AP5S1: variants seen among roughly 807,000 people sequenced by gnomAD.
The protein encoded by AP5S1 is adaptor related protein complex 5 subunit sigma 1.
In AP5S1, 13 loss-of-function variants were observed where a neutral mutation model predicts 13.9. The observed-to-expected ratio is 0.94, with a 90% CI of 0.61 to 1.49. AP5S1 has a LOEUF of 1.49. Among genes scored for constraint, AP5S1 ranks in the 40% most tolerant of loss-of-function variants. AP5S1 has a pLI of 0.00. For missense variants in AP5S1, 292 were observed against 272.3 expected, an observed-to-expected ratio of 1.07 and a Z score of -0.51; for synonymous variants, 132 against 121.8, an observed-to-expected ratio of 1.08 and a Z score of -0.55.
rs1403917019 is a variant in AP5S1, at chr20:3,824,214, C to T, written c.520C>T (p.Leu174=). 1.9e-6 allele frequency: 3 copies of T among 1,614,240 alleles called. No individual in the cohort carries two copies. Among genetic ancestry groups the T allele is most frequent in the Non-Finnish European group, 2.5e-6 (3 of 1,180,042 alleles). The stretch of plus-strand genomic sequence containing the variant: ...CATTGAGGGCATCCTCACCCGCTTC[C>T]TGCCACATGGTCAGCTGCTTTTCCT... The part of the protein sequence containing the change: ...DRIEGILTRF[L]PHGQLLFLND... The change falls in exon 3 of 3, where the codon CTG becomes TTG. Residue 174 remains leucine (L), a synonymous_variant. Transcript: ENST00000615891.
At chr20:3,822,034 C>G (rs899980326) in intron 1 of AP5S1, 68 bp from the exon 2 acceptor site, 134 of 1,534,532 alleles carry the variant, frequency 8.7e-5, no homozygotes, top group Non-Finnish European at 1.1e-4. Context: ...CAGGTCAGCC[C>G]CTTCCTGTGG....
At chr20:3,821,868 TTTC>T (rs1264217493) in intron 1 of AP5S1, 7 of 951,554 alleles carry the variant, frequency 7.4e-6, no homozygotes, top group Non-Finnish European at 8.7e-6. Context: ...TTTGTTTGTT[TTTC>T]TTTTTTCTTT....
At chr20:3,823,275 G>A (rs1043774273) in intron 2 of AP5S1, among the ~76,000 whole-genome samples, 25 of 152,216 alleles carry the variant, frequency 1.6e-4, no homozygotes, top group African/African-American at 6.0e-4. Context: ...TTGAGATGGA[G>A]TCTTGCTCTG....
rs2146732099 is a variant in AP5S1 at position 3,823,859 on chromosome 20, C to T, written c.177-12C>T. 4 of 1,590,922 alleles carry T rather than the reference C, an allele frequency of 2.5e-6. No homozygotes were observed. Among genetic ancestry groups the T allele is most frequent in the Non-Finnish European group, 3.4e-6 (4 of 1,172,282 alleles). On this transcript the variant is annotated splice_polypyrimidine_tract_variant and intron_variant, in intron 2 of 2. Coordinates refer to ENST00000615891, the MANE Select transcript of AP5S1 (RefSeq NM_018347.3). ...TGTGAGCCCACCAGCCTGACCTGCC[C>T]ACTCTCCCCAGGCAGGTAGAGTCAA...
chr20:3,825,225 T>C lies in AP5S1; in HGVS notation c.*928T>C, dbSNP rs944743653. On this transcript the variant is annotated 3_prime_UTR_variant, in exon 3 of 3. Transcript: ENST00000615891. ...CCTCATCTGCAGGGAGAGAAGTTGC[T>C]GTCAGATGAATGTGAGCAGTCTAGC... 2.6e-5 allele frequency: 4 copies of C among 152,250 alleles called. No homozygotes were observed. Among genetic ancestry groups the C allele is most frequent in the Non-Finnish European group, 5.9e-5 (4 of 68,046 alleles). The allele number at this position is 152,250 out of a possible 1,614,324, so 9.4% of individuals were successfully genotyped here. A position where few individuals can be genotyped will look rare whatever the true frequency, so the allele number is the denominator to read the frequency against.
intron 1 of AP5S1, chr20:3,821,848 T>A (rs1177374030): frequency 1.1e-6 from 1 of 926,400 alleles, no homozygotes; most frequent in Non-Finnish European, 1.3e-6. Context: ...TCTGAGATTT[T>A]TTTTGTTTGT....
rs755158849 is a variant in AP5S1, at chr20:3,821,696, G to C, written c.-16-406G>C. ...TTACCCTTTTCTTGGTCCAGGACCCGATCCAGGAGTACACGTCGCATTCAG... is the reference window on the plus strand; with the variant it reads ...TTACCCTTTTCTTGGTCCAGGACCCCATCCAGGAGTACACGTCGCATTCAG... On this transcript the variant is annotated intron_variant, in intron 1 of 2. Coordinates refer to ENST00000615891, the MANE Select transcript of AP5S1 (RefSeq NM_018347.3). Among the ~76,000 whole-genome samples the C allele has an allele frequency of 3.3e-5, 5 of 151,964 alleles. No individual in the cohort carries two copies. The East Asian group carries it at 9.7e-4, about 29-fold the overall frequency.
At position 3,827,189 on chromosome 20, in the gene AP5S1, G is replaced by A. The variant is rs975324759; in HGVS notation, c.*2892G>A. The A allele has an allele frequency of 6.6e-6, 1 of 152,272 alleles. No homozygotes were observed. The highest frequency in any genetic ancestry group is 2.4e-5 in the African/African-American group (1 of 41,454). The allele number at this position is 152,272 out of a possible 1,614,324, so 9.4% of individuals were successfully genotyped here. ...CCAGTGTACCTCCACAAACACTCCT[G>A]GGACAACAGATGATGACAGGAGGGC... On this transcript the variant is annotated 3_prime_UTR_variant, in exon 3 of 3. Transcript: ENST00000615891.
At chr20:3,820,833 T>C (rs1676855553) in intron 1 of AP5S1, 75 bp downstream of exon 1, 1 of 152,288 alleles carries the variant, frequency 6.6e-6, no homozygotes, top group African/African-American at 2.4e-5. Context: ...CGCGCTCTGC[T>C]GGCGGCTGGA....
Position 3,823,865 on chromosome 20 carries a change from C to A in AP5S1, c.177-6C>A. 6.3e-7 allele frequency: 1 copy of A among 1,595,778 alleles called. No individual in the cohort carries two copies. The highest frequency in any genetic ancestry group is 8.5e-7 in the Non-Finnish European group (1 of 1,175,610). On this transcript the variant is annotated splice_polypyrimidine_tract_variant and splice_region_variant and intron_variant, in intron 2 of 2. Coordinates refer to ENST00000615891, the MANE Select transcript of AP5S1 (RefSeq NM_018347.3). ...CCCACCAGCCTGACCTGCCCACTCT[C>A]CCCAGGCAGGTAGAGTCAATGTGTC...
In AP5S1 at chr20:3,824,809, G is replaced by A; in HGVS notation, c.*512G>A. On this transcript the variant is annotated 3_prime_UTR_variant, in exon 3 of 3. Transcript: ENST00000615891. The stretch of plus-strand genomic sequence containing the variant: ...TTAGCTGGGTGTATGGCGCCCACCT[G>A]TAATCCTAGCTGCTCAGGGGGCTGA... The A allele has an allele frequency of 6.5e-6, 1 of 154,634 alleles. No homozygotes were observed. The highest frequency in any genetic ancestry group is 2.4e-5 in the African/African-American group (1 of 41,432). 9.6% of individuals were successfully genotyped at this position (154,634 alleles called of 1,614,324 possible). A position where few individuals can be genotyped will look rare whatever the true frequency, so the allele number is the denominator to read the frequency against.
At chr20:3,821,783 T>C (rs2089583548) in intron 1 of AP5S1, 1 of 436,288 alleles carries the variant, frequency 2.3e-6, no homozygotes, top group African/African-American at 2.2e-5. Context: ...CATGACCGCA[T>C]GACCTTGACG....
At position 3,823,914 on chromosome 20, in the gene AP5S1, C is replaced by T. The variant is rs533773124; in HGVS notation, c.220C>T (p.Arg74Trp). 66 of 1,603,428 alleles carry T rather than the reference C, an allele frequency of 4.1e-5. No homozygotes were observed. The highest frequency in any genetic ancestry group is 3.3e-4 in the Middle Eastern group (2 of 6,022). The change falls in exon 3 of 3, where the codon CGG becomes TGG. Residue 74 changes from arginine to tryptophan, a missense_variant. By Grantham distance (101) the Arg-to-Trp change is moderately radical. Transcript: ENST00000615891. ...MCRLQQQASG[R>W]PPMDLQPQSS... Reference sequence around the variant, plus strand: ...TCGGCTGCAGCAGCAGGCATCTGGCCGGCCCCCCATGGACCTGCAGCCGCA... The same window carrying T: ...TCGGCTGCAGCAGCAGGCATCTGGCTGGCCCCCCATGGACCTGCAGCCGCA...
chr20:3,822,405 G>A, intron 2 of AP5S1, 112 bp downstream of exon 2: 1 of 1,024,398 alleles, frequency 9.8e-7, no homozygotes, highest in East Asian at 2.5e-5. Context: ...CAGAGAGGAA[G>A]TTTTAGAGTA....
At chr20:3,822,477 T>A (rs1363036540) in intron 2 of AP5S1, among the ~76,000 whole-genome samples, 184 bp downstream of exon 2, 2 of 152,198 alleles carry the variant, frequency 1.3e-5, no homozygotes, top group Non-Finnish European at 2.9e-5. Context: ...GTTAAATAAA[T>A]AATAATTCTG....
In AP5S1 at chr20:3,824,357, G is replaced by A; in HGVS notation, c.*60G>A. 3 of 1,509,628 alleles carry A rather than the reference G, an allele frequency of 2.0e-6. No homozygotes were observed. The highest frequency in any genetic ancestry group is 2.5e-5 in the South Asian group (2 of 81,128). 93.5% of individuals were successfully genotyped at this position (1,509,628 alleles called of 1,614,324 possible). ...GAGGGTAGACACACAGCCAGATGAA[G>A]CTTGGCATCTCCCTCCTACCCAGCA... On this transcript the variant is annotated 3_prime_UTR_variant, in exon 3 of 3. Transcript: ENST00000615891.
intron 2 of AP5S1, 39 bp downstream of exon 2, chr20:3,822,332 G>T (rs767348841): frequency 1.3e-6 from 2 of 1,587,822 alleles, no homozygotes; most frequent in Non-Finnish European, 1.7e-6. Flanking sequence ...CATTGAACAC[G>T]TACCTGATTG....
intron 1 of AP5S1, 182 bp from the exon 2 acceptor site, chr20:3,821,920 G>A (rs1239269776): frequency 1.3e-5 from 12 of 925,656 alleles, no homozygotes; most frequent in Non-Finnish European, 1.4e-5. Context: ...GCTTATGTAT[G>A]TCTGAGATTT....
chr20:3,827,515 CCT>C lies in AP5S1; in HGVS notation c.*3222_*3223del, dbSNP rs2089631525. On this transcript the variant is annotated 3_prime_UTR_variant, in exon 3 of 3. Transcript: ENST00000615891. ...TGACCTTGTGATCCGCCCGCCGTGGCCTCTCAAAGTACCGGGATTATAGGCGT... is the reference window on the plus strand; with the variant it reads ...TGACCTTGTGATCCGCCCGCCGTGGCCTCAAAGTACCGGGATTATAGGCGT... 6.6e-6 allele frequency: 1 copy of C among 152,046 alleles called. No homozygotes were observed. The highest frequency in any genetic ancestry group is 2.1e-4 in the South Asian group (1 of 4,826). 9.4% of individuals were successfully genotyped at this position (152,046 alleles called of 1,614,324 possible).
Sources: gnomAD v4.1 joint callset for allele counts (sites outside exome capture counted in the v4.1 genomes callset) on GRCh38, gnomAD v4.1.1 for gene constraint, MANE v1.5 for transcripts, NCBI Gene and HGNC (gene_info 2026-07-23, HGNC 2026-07-21) for gene names.